Variants in CHAF1B observed in about 807,000 individuals in gnomAD.
The protein encoded by CHAF1B is CAF-1 subunit B.
In CHAF1B, 10 loss-of-function variants were observed where a neutral mutation model predicts 60.7. The observed-to-expected ratio is 0.16, with a 90% CI of 0.10 to 0.28. CHAF1B has a LOEUF of 0.28. Among genes scored for constraint, CHAF1B ranks in the 10% least tolerant of loss-of-function variants. The pLI is 1.00. For missense variants in CHAF1B, 558 were observed against 708.4 expected (o/e 0.79, Z 2.41); for synonymous variants, 261 against 266.1 (o/e 0.98, Z 0.19).
rs190031675 is a variant in CHAF1B at position 36,412,070 on chromosome 21, G to A, written c.1061+466G>A. On this transcript the variant is annotated intron_variant, in intron 11 of 13. Transcript: ENST00000314103. ...AGGAATCAACATTAAAAGGAAAGCC[G>A]TTTCTAGTTTGCCACAATACTTGCT... 1.1e-3 allele frequency among the ~76,000 whole-genome samples: 170 copies of A among 152,284 alleles called. 1 individual carries two copies. Among genetic ancestry groups the A allele is most frequent in the Non-Finnish European group, 2.0e-3 (136 of 68,018 alleles).
chr21:36,388,439 A>T (rs1295265563), intron 3 of CHAF1B, among the ~76,000 whole-genome samples: 1 of 146,976 alleles, frequency 6.8e-6, no homozygotes, highest in East Asian at 2.0e-4. Flanking sequence ...TGGCTTTAGG[A>T]CTGTGTTAGT....
Position 36,416,448 on chromosome 21 carries a change from G to C in CHAF1B, c.*82G>C. The C allele has an allele frequency of 9.3e-7, 1 of 1,072,294 alleles. No homozygotes were observed. Among genetic ancestry groups the C allele is most frequent in the South Asian group, 1.4e-5 (1 of 70,618 alleles). 66.4% of individuals were successfully genotyped at this position (1,072,294 alleles called of 1,614,324 possible). On this transcript the variant is annotated 3_prime_UTR_variant, in exon 14 of 14. Coordinates refer to ENST00000314103, the MANE Select transcript of CHAF1B (RefSeq NM_005441.3). ...GTAAAGCTGGAGGTGCCTGAGACCA[G>C]GGCTTCCATGGAGCGGGACACACTG...
At chr21:36,404,709 T>TTAC (rs1184308040) in intron 8 of CHAF1B, among the ~76,000 whole-genome samples, 8 of 133,562 alleles carry the variant, frequency 6.0e-5, no homozygotes, top group East Asian at 4.6e-4. Flanking sequence ...GCTGGGATTA[T>TTAC]AGGTGTGAGC....
intron 5 of CHAF1B, among the ~76,000 whole-genome samples, chr21:36,396,498 C>CA (rs1266222761): frequency 2.6e-5 from 4 of 150,966 alleles, no homozygotes; most frequent in African/African-American, 4.9e-5. Flanking sequence ...CTCTCTCTAC[C>CA]AAAAAAATAC....
chr21:36,410,124 A>G (rs977338202), intron 10 of CHAF1B, among the ~76,000 whole-genome samples: 1 of 151,880 alleles, frequency 6.6e-6, no homozygotes, highest in African/African-American at 2.4e-5. Flanking sequence ...CACCACACCC[A>G]GCTAATTTTT....
At chr21:36,414,494 T>C (rs1233977068) in intron 12 of CHAF1B, among the ~76,000 whole-genome samples, 2 of 152,274 alleles carry the variant, frequency 1.3e-5, no homozygotes, top group South Asian at 2.1e-4. Context: ...TGAACTATTT[T>C]TGGTATTAAA....
Position 36,394,376 on chromosome 21 carries a change from ATTT to A in CHAF1B, c.378-168_378-166del, listed in dbSNP as rs529448734. 2.6e-5 allele frequency among the ~76,000 whole-genome samples: 4 copies of A among 151,730 alleles called. No individual in the cohort carries two copies. The South Asian group carries it at 8.4e-4, about 32-fold the overall frequency. ...AGGCGTGAGCCACAGCACCTGGCTGATTTTTGTATTTTGAGTAGAGATGGGATT... is the reference window on the plus strand; with the variant it reads ...AGGCGTGAGCCACAGCACCTGGCTGATTGTATTTTGAGTAGAGATGGGATT... On this transcript the variant is annotated intron_variant, in intron 4 of 13. Coordinates refer to ENST00000314103, the MANE Select transcript of CHAF1B (RefSeq NM_005441.3).
chr21:36,392,259 C>T (rs2086095831), intron 4 of CHAF1B, among the ~76,000 whole-genome samples: 2 of 152,138 alleles, frequency 1.3e-5, no homozygotes, highest in African/African-American at 4.8e-5. Context: ...TATAGATTAG[C>T]AGCATCCCAA....
intron 4 of CHAF1B, among the ~76,000 whole-genome samples, chr21:36,391,907 A>ATTT (rs55920360): frequency 0.041 from 2,712 of 66,874 alleles, 95 homozygotes; most frequent in African/African-American, 0.06. Flanking sequence ...TGATTTTTAA[A>ATTT]TTTTTTTTTT....
In CHAF1B at chr21:36,416,326, T is replaced by G. The variant is rs760081380; in HGVS notation, c.1640T>G (p.Leu547Arg). The change falls in exon 14 of 14, where the codon CTC (leucine) becomes CGC (arginine). Residue 547 changes from leucine to arginine, a missense_variant. Physicochemically the swap from Leu to Arg is moderately radical, Grantham distance 102 (BLOSUM62 -2). Coordinates refer to ENST00000314103, the MANE Select transcript of CHAF1B (RefSeq NM_005441.3). ...CCCCCAGAGCTAAAGCGGCCCAGAC[T>G]CGATGAAAACAAAGGAGGCACGGAA... is the stretch of plus-strand genomic sequence containing the variant. ...GSPPELKRPR[L>R]DENKGGTESL... The G allele has an allele frequency of 6.2e-7, 1 of 1,614,048 alleles. No individual in the cohort carries two copies.
At chr21:36,415,780 T>A in intron 13 of CHAF1B, 1 of 406,246 alleles carries the variant, frequency 2.5e-6, no homozygotes, top group South Asian at 1.9e-5. Context: ...TGAGATGCAG[T>A]CTTGCTCTGT....
chr21:36,393,697 G>C (rs1440856271), intron 4 of CHAF1B, among the ~76,000 whole-genome samples: 2 of 151,732 alleles, frequency 1.3e-5, no homozygotes, highest in Non-Finnish European at 2.9e-5. Flanking sequence ...CAGGTGATCC[G>C]CCCACCTCGG....
intron 11 of CHAF1B, among the ~76,000 whole-genome samples, chr21:36,412,175 G>A (rs1447763556): frequency 6.6e-6 from 1 of 152,200 alleles, no homozygotes; most frequent in Non-Finnish European, 1.5e-5. Context: ...ACTGAGGGGA[G>A]GCCTTGTAGA....
chr21:36,413,908 C>G (rs1376910922), intron 12 of CHAF1B, among the ~76,000 whole-genome samples: 1 of 152,216 alleles, frequency 6.6e-6, no homozygotes, highest in Non-Finnish European at 1.5e-5. Flanking sequence ...TTATGCTGTT[C>G]TGCCCAGGAT....
At chr21:36,388,144 G>GCAACT (rs2086050602) in intron 3 of CHAF1B, among the ~76,000 whole-genome samples, 1 of 151,990 alleles carries the variant, frequency 6.6e-6, no homozygotes, top group South Asian at 2.1e-4. Flanking sequence ...TTTAGTTCAG[G>GCAACT]TGTGGCTGAC....
In CHAF1B at chr21:36,418,775, G is replaced by C. The variant is rs953107324; in HGVS notation, c.*2409G>C. ...GAGGCACAAGAATCGCTTGAACCCGGGAGGCGGAGTTTGTAGTGAGCTGAG... is the reference window on the plus strand; with the variant it reads ...GAGGCACAAGAATCGCTTGAACCCGCGAGGCGGAGTTTGTAGTGAGCTGAG... On this transcript the variant is annotated 3_prime_UTR_variant, in exon 14 of 14. Transcript: ENST00000314103. 2.6e-5 allele frequency: 4 copies of C among 151,904 alleles called. No homozygotes were observed. The highest frequency in any genetic ancestry group is 6.6e-5 in the Admixed American group (1 of 15,244). The allele number at this position is 151,904 out of a possible 1,614,324, so 9.4% of individuals were successfully genotyped here.
Position 36,416,564 on chromosome 21 carries a change from G to A in CHAF1B, c.*198G>A. 2.2e-6 allele frequency: 1 copy of A among 460,166 alleles called. No homozygotes were observed. The highest frequency in any genetic ancestry group is 3.9e-6 in the Non-Finnish European group (1 of 256,708). 28.5% of individuals were successfully genotyped at this position (460,166 alleles called of 1,614,324 possible). On this transcript the variant is annotated 3_prime_UTR_variant, in exon 14 of 14. Transcript: ENST00000314103. ...GTATTCAGTATCCATTTTTAACTTGGGACATGAACGTTTTAACGTAGTAAA... is the reference window on the plus strand; with the variant it reads ...GTATTCAGTATCCATTTTTAACTTGAGACATGAACGTTTTAACGTAGTAAA...
Position 36,418,268 on chromosome 21 carries a change from TC to T in CHAF1B, c.*1905del, listed in dbSNP as rs1291583125. 7.2e-5 allele frequency: 11 copies of T among 152,182 alleles called. No homozygotes were observed. The highest frequency in any genetic ancestry group is 2.6e-4 in the African/African-American group (11 of 41,528). 9.4% of individuals were successfully genotyped at this position (152,182 alleles called of 1,614,324 possible). A position where few individuals can be genotyped will look rare whatever the true frequency, so the allele number is the denominator to read the frequency against. ...ACCTCGTGATCTGCCCACCTCAGCC[TC>T]CCAAAGTGCTGGGATTACAGGCGTG... On this transcript the variant is annotated 3_prime_UTR_variant, in exon 14 of 14. Coordinates refer to ENST00000314103, the MANE Select transcript of CHAF1B (RefSeq NM_005441.3).
intron 12 of CHAF1B, among the ~76,000 whole-genome samples, chr21:36,414,103 G>A (rs2086299704): frequency 6.6e-6 from 1 of 152,028 alleles, no homozygotes; most frequent in African/African-American, 2.4e-5. Context: ...TGGATACAGA[G>A]CCACTTAGCA....
Sources: allele counts gnomAD v4.1 joint callset (sites outside exome capture counted in the v4.1 genomes callset), GRCh38; gene constraint gnomAD v4.1.1; transcripts MANE v1.5; gene names NCBI Gene and HGNC (gene_info 2026-07-23, HGNC 2026-07-21).